The following CALCRL variants were observed in gnomAD, a reference collection of about 807,000 sequenced individuals.
CALCRL encodes the protein calcitonin receptor like receptor.
A neutral mutation model predicts 60.4 loss-of-function variants in CALCRL; 27 were observed. The ratio of observed to expected loss-of-function variants is 0.45; its 90% CI spans 0.33 to 0.62. The LOEUF is 0.62. Among genes scored for constraint, CALCRL ranks in the 20% least tolerant of loss-of-function variants. The pLI, the probability that CALCRL is intolerant of heterozygous loss-of-function variation, is 0.03. For missense variants in CALCRL, 424 were observed against 540.7 expected (o/e 0.78, Z 2.14); for synonymous variants, 190 against 182.6 (o/e 1.04, Z -0.33).
In CALCRL at chr2:187,383,429, G is replaced by A. The variant is rs185922515; in HGVS notation, c.52-124C>T. The A allele has an allele frequency of 5.3e-4, 375 of 706,390 alleles. 1 individual carries two copies. Among genetic ancestry groups the A allele is most frequent in the Middle Eastern group, 2.3e-3 (7 of 3,042 alleles). The allele number at this position is 706,390 out of a possible 1,614,324, so 43.8% of individuals were successfully genotyped here. ...GTGATGTACTGGAAGATAAACTGGC[G>A]CTCTAGGGAAAAAACCCCAATTTGT... On this transcript the variant is annotated intron_variant, in intron 4 of 14. Transcript: ENST00000392370.
intron 1 of CALCRL, among the ~76,000 whole-genome samples, chr2:187,409,959 G>A (rs1689287481): frequency 6.6e-6 from 1 of 152,120 alleles, no homozygotes; most frequent in Non-Finnish European, 1.5e-5. Context: ...GAAGATGCAG[G>A]GACCACACTA....
intron 1 of CALCRL, among the ~76,000 whole-genome samples, chr2:187,422,312 C>T (rs1489463450): frequency 1.3e-5 from 2 of 152,130 alleles, no homozygotes; most frequent in Admixed American, 6.5e-5. Context: ...TGTGCCAGCT[C>T]GATGTCTCTA....
intron 1 of CALCRL, among the ~76,000 whole-genome samples, chr2:187,444,259 T>C (rs1272761436): frequency 1.3e-5 from 2 of 151,646 alleles, no homozygotes; most frequent in Non-Finnish European, 3.0e-5. Context: ...ATATGTTCCA[T>C]GTTAAGGGAA....
intron 8 of CALCRL, among the ~76,000 whole-genome samples, chr2:187,372,867 C>A (rs775171290): frequency 6.6e-5 from 10 of 152,106 alleles, no homozygotes; most frequent in African/African-American, 1.2e-4. Flanking sequence ...GCCCCTGACT[C>A]CACAAGAACA....
chr2:187,350,482 CAGA>C (rs1369937602), intron 14 of CALCRL, among the ~76,000 whole-genome samples: 2 of 151,110 alleles, frequency 1.3e-5, no homozygotes, highest in African/African-American at 4.8e-5. Context: ...TTCTGTATAG[CAGA>C]AGAATTATGG....
intron 1 of CALCRL, among the ~76,000 whole-genome samples, chr2:187,406,136 C>T (rs2105836246): frequency 6.6e-6 from 1 of 150,528 alleles, no homozygotes; most frequent in East Asian, 2.0e-4. Flanking sequence ...GACACCAGAC[C>T]ACCAAACCAC....
intron 12 of CALCRL, among the ~76,000 whole-genome samples, chr2:187,357,676 G>A (rs1686857531): frequency 6.6e-6 from 1 of 150,392 alleles, no homozygotes; most frequent in South Asian, 2.1e-4. Context: ...GGACAGCATT[G>A]GGAGATATAC....
intron 1 of CALCRL, among the ~76,000 whole-genome samples, chr2:187,393,658 T>C (rs1688542124): frequency 6.6e-6 from 1 of 152,100 alleles, no homozygotes; most frequent in African/African-American, 2.4e-5. Flanking sequence ...AAAGTGTTTT[T>C]AAAGTAGATT....
chr2:187,408,897 C>A (rs569991723), intron 1 of CALCRL, among the ~76,000 whole-genome samples: 1 of 151,960 alleles, frequency 6.6e-6, no homozygotes, highest in East Asian at 1.9e-4. Flanking sequence ...TCACATTGTG[C>A]TGTATAATAT....
intron 1 of CALCRL, among the ~76,000 whole-genome samples, chr2:187,392,039 A>G (rs572540003): frequency 6.6e-6 from 1 of 152,276 alleles, no homozygotes; most frequent in African/African-American, 2.4e-5. Context: ...ATCAATATTT[A>G]TAAGAACACA....
At chr2:187,382,192 G>A (rs1688010571) in intron 5 of CALCRL, among the ~76,000 whole-genome samples, 2 of 152,170 alleles carry the variant, frequency 1.3e-5, no homozygotes, top group Admixed American at 1.3e-4. Flanking sequence ...TTAGATCTAA[G>A]TAGGTATTCC....
At chr2:187,388,288 G>T (rs1349653428) in intron 1 of CALCRL, among the ~76,000 whole-genome samples, 3 of 151,964 alleles carry the variant, frequency 2.0e-5, no homozygotes, top group Non-Finnish European at 4.4e-5. Context: ...AGAAAGAAGA[G>T]TTGTTTTGTT....
rs541532385 is a variant in CALCRL, at chr2:187,445,081, C to T, written c.-293+2958G>A. Among the ~76,000 whole-genome samples, 5 of 151,632 alleles carry T rather than the reference C, an allele frequency of 3.3e-5. No individual in the cohort carries two copies. The South Asian group carries it at 1.0e-3, about 31-fold the overall frequency. On this transcript the variant is annotated intron_variant, in intron 1 of 14. Transcript: ENST00000392370. ...AAATTATGAATGTTTATAGTTTACC[C>T]ATGGATTTGAAAACCAGATACAGAT... is the stretch of plus-strand genomic sequence containing the variant.
chr2:187,371,733 T>C (rs1687533663), intron 8 of CALCRL, among the ~76,000 whole-genome samples: 1 of 15,928 alleles, frequency 6.3e-5, no homozygotes, highest in Non-Finnish European at 1.3e-4. Flanking sequence ...AAGACTCCAT[T>C]TTTTTTTTTT....
chr2:187,393,327 T>G (rs1688526341), intron 1 of CALCRL, among the ~76,000 whole-genome samples: 1 of 152,116 alleles, frequency 6.6e-6, no homozygotes, highest in Non-Finnish European at 1.5e-5. Context: ...ATATAAATAC[T>G]TCATCCTCAC....
intron 1 of CALCRL, among the ~76,000 whole-genome samples, chr2:187,397,854 C>T (rs1471875458): frequency 6.6e-6 from 1 of 151,674 alleles, no homozygotes; most frequent in East Asian, 1.9e-4. Context: ...TTTCCTAACA[C>T]TGTACTGGAA....
chr2:187,423,233 T>A (rs1276442034), intron 1 of CALCRL, among the ~76,000 whole-genome samples: 1 of 152,038 alleles, frequency 6.6e-6, no homozygotes, highest in African/African-American at 2.4e-5. Context: ...GAATGTATGG[T>A]CTATATTGTT....
At chr2:187,428,971 A>G (rs1690278469) in intron 1 of CALCRL, 1 of 151,764 alleles carries the variant, frequency 6.6e-6, no homozygotes, top group Admixed American at 6.6e-5. Flanking sequence ...TTTTTAGTTT[A>G]TATAATATAA....
rs1287915612 is a variant in CALCRL, at chr2:187,345,541, G to T, written c.*643C>A. On this transcript the variant is annotated 3_prime_UTR_variant, in exon 15 of 15. Transcript: ENST00000392370. Reference sequence around the variant, plus strand: ...AGTTTCCACAATGGATATGCCACAAGATATAACTGATGTGTCAGCAAATGA... The same window carrying T: ...AGTTTCCACAATGGATATGCCACAATATATAACTGATGTGTCAGCAAATGA... The T allele has an allele frequency of 6.6e-6, 1 of 152,078 alleles. No homozygotes were observed. The highest frequency in any genetic ancestry group is 2.4e-5 in the African/African-American group (1 of 41,384). 9.4% of individuals were successfully genotyped at this position (152,078 alleles called of 1,614,324 possible).
Sources: allele counts gnomAD v4.1 joint callset (sites outside exome capture counted in the v4.1 genomes callset), GRCh38; gene constraint gnomAD v4.1.1; transcripts MANE v1.5; gene names NCBI Gene and HGNC (gene_info 2026-07-23, HGNC 2026-07-21).